Variants in BRINP3 observed in about 807,000 individuals in gnomAD.
BRINP3 encodes BMP/retinoic acid-inducible neural-specific protein 3.
BRINP3 carries 19 observed loss-of-function variants against 71.0 expected under a neutral mutation model. The observed-to-expected ratio is 0.27, with a 90% CI of 0.19 to 0.39. BRINP3 has a LOEUF of 0.39. Ranked by LOEUF, BRINP3 falls within the 10% of genes least tolerant of loss-of-function variation. The pLI, the probability that BRINP3 is intolerant of heterozygous loss-of-function variation, is 1.00. For synonymous variants in BRINP3, 380 were observed against 337.7 expected (o/e 1.13, Z -1.37); for missense variants, 959 against 940.8 (o/e 1.02, Z -0.25).
chr1:190,104,993 T>C (rs1366902793), intron 7 of BRINP3, among the ~76,000 whole-genome samples: 1 of 152,126 alleles, frequency 6.6e-6, no homozygotes, highest in African/African-American at 2.4e-5. Context: ...CTTCATAGAT[T>C]TGTTATTCTC....
intron 2 of BRINP3, among the ~76,000 whole-genome samples, chr1:190,445,752 G>A (rs1675176597): frequency 1.3e-5 from 2 of 152,054 alleles, no homozygotes; most frequent in Non-Finnish European, 2.9e-5. Flanking sequence ...GAACAAGCCT[G>A]ATAATTCTGG....
At chr1:190,308,188 A>T (rs917726382) in intron 2 of BRINP3, among the ~76,000 whole-genome samples, 7 of 150,274 alleles carry the variant, frequency 4.7e-5, no homozygotes, top group Non-Finnish European at 1.5e-5. Context: ...TTGAGAAGAC[A>T]TAAGAACACT....
intron 1 of BRINP3, among the ~76,000 whole-genome samples, chr1:190,460,030 C>G (rs556707088): frequency 6.6e-6 from 1 of 151,894 alleles, no homozygotes; most frequent in African/African-American, 2.4e-5. Context: ...ATGTCTGCAA[C>G]CATTCTCTAA....
At chr1:190,284,254 AAAAC>A (rs1264976362) in intron 2 of BRINP3, among the ~76,000 whole-genome samples, 1 of 152,026 alleles carries the variant, frequency 6.6e-6, no homozygotes, top group Non-Finnish European at 1.5e-5. Context: ...CAAAACAACT[AAAAC>A]AAATTATGTA....
At chr1:190,322,680 C>A (rs1666324158) in intron 2 of BRINP3, among the ~76,000 whole-genome samples, 1 of 152,056 alleles carries the variant, frequency 6.6e-6, no homozygotes, top group South Asian at 2.1e-4. Flanking sequence ...TCCCAACATA[C>A]TTCTCAGAAA....
intron 6 of BRINP3, among the ~76,000 whole-genome samples, chr1:190,221,236 A>G (rs923696037): frequency 1.3e-5 from 2 of 152,104 alleles, no homozygotes; most frequent in Non-Finnish European, 2.9e-5. Flanking sequence ...AAACAACAAA[A>G]AAAGTAAACT....
chr1:190,198,129 C>G (rs1441433928), intron 6 of BRINP3, among the ~76,000 whole-genome samples: 1 of 151,918 alleles, frequency 6.6e-6, no homozygotes, highest in African/African-American at 2.4e-5. Flanking sequence ...GTATGTTGGC[C>G]CCTTTTGCTA....
chr1:190,166,712 C>T (rs182166141), intron 6 of BRINP3, among the ~76,000 whole-genome samples: 10 of 152,136 alleles, frequency 6.6e-5, no homozygotes, highest in African/African-American at 2.4e-4. Context: ...GTTGACCTCA[C>T]TAAATACGTC....
chr1:190,197,153 T>G (rs1177094634), intron 6 of BRINP3, among the ~76,000 whole-genome samples: 3 of 151,802 alleles, frequency 2.0e-5, no homozygotes, highest in Non-Finnish European at 2.9e-5. Context: ...AGAGAGCTTG[T>G]GTAGGAGAAC....
intron 7 of BRINP3, among the ~76,000 whole-genome samples, chr1:190,130,481 C>T (rs1654448604): frequency 1.3e-5 from 2 of 151,986 alleles, no homozygotes; most frequent in African/African-American, 4.8e-5. Flanking sequence ...AATTTGCTAA[C>T]TATGAAGGTC....
intron 2 of BRINP3, among the ~76,000 whole-genome samples, chr1:190,305,848 T>A (rs1465389620): frequency 6.6e-6 from 1 of 151,886 alleles, no homozygotes; most frequent in Non-Finnish European, 1.5e-5. Flanking sequence ...ATGCTAATTA[T>A]CCTGATTTGA....
At chr1:190,374,531 T>C (rs1010398764) in intron 2 of BRINP3, among the ~76,000 whole-genome samples, 6 of 149,516 alleles carry the variant, frequency 4.0e-5, no homozygotes, top group Middle Eastern at 6.8e-3. Flanking sequence ...ATAATATGAT[T>C]TAAACTTGGC....
intron 2 of BRINP3, among the ~76,000 whole-genome samples, chr1:190,319,095 A>G (rs1043647383): frequency 1.3e-5 from 2 of 152,114 alleles, no homozygotes; most frequent in Non-Finnish European, 2.9e-5. Context: ...TCACCTTAAT[A>G]TTTCATGCTC....
intron 4 of BRINP3, among the ~76,000 whole-genome samples, chr1:190,261,862 C>G (rs1164773893): frequency 6.6e-6 from 1 of 152,132 alleles, no homozygotes; most frequent in East Asian, 1.9e-4. Flanking sequence ...ATCTTGGTTT[C>G]AGAGACTACA....
intron 7 of BRINP3, among the ~76,000 whole-genome samples, chr1:190,160,154 T>G (rs939382172): frequency 6.6e-6 from 1 of 152,104 alleles, no homozygotes; most frequent in African/African-American, 2.4e-5. Flanking sequence ...CAGACACAAA[T>G]AATTTAATTG....
chr1:190,114,067 T>C (rs1652917665), intron 7 of BRINP3, among the ~76,000 whole-genome samples: 1 of 152,146 alleles, frequency 6.6e-6, no homozygotes, highest in African/African-American at 2.4e-5. Context: ...GTGTTAGGGT[T>C]GGGGCCTGGG....
chr1:190,190,618 G>A (rs1653951751), intron 6 of BRINP3, among the ~76,000 whole-genome samples: 1 of 151,956 alleles, frequency 6.6e-6, no homozygotes, highest in Admixed American at 6.6e-5. Flanking sequence ...TTCTACTGTA[G>A]AGCATACTGA....
At chr1:190,362,458 A>G (rs1669211981) in intron 2 of BRINP3, among the ~76,000 whole-genome samples, 1 of 152,170 alleles carries the variant, frequency 6.6e-6, no homozygotes, top group Non-Finnish European at 1.5e-5. Context: ...AATGTTAGGA[A>G]TTTCTTGTCA....
chr1:190,123,313 A>T (rs182595190), intron 7 of BRINP3, among the ~76,000 whole-genome samples: 159 of 152,242 alleles, frequency 1.0e-3, no homozygotes, highest in Non-Finnish European at 1.8e-4. Flanking sequence ...TGGGGCAAAT[A>T]TGCAGATGCT....
Sources: gnomAD v4.1 joint callset for allele counts (sites outside exome capture counted in the v4.1 genomes callset) on GRCh38, gnomAD v4.1.1 for gene constraint, MANE v1.5 for transcripts, NCBI Gene and HGNC (gene_info 2026-07-23, HGNC 2026-07-21) for gene names.